Variants in TOM1L2 observed in about 807,000 individuals in gnomAD.
The protein encoded by TOM1L2 is target of myb1 like 2 membrane trafficking protein, also known as TOM1-like protein 2.
A neutral mutation model predicts 67.9 loss-of-function variants in TOM1L2; 31 were observed. The ratio of observed to expected loss-of-function variants is 0.46; its 90% CI spans 0.34 to 0.62. TOM1L2 has a LOEUF of 0.62. Ranked by LOEUF, TOM1L2 falls within the 20% of genes least tolerant of loss-of-function variation. TOM1L2 has a pLI of 0.01. For synonymous variants in TOM1L2, 256 were observed against 254.0 expected (o/e 1.01, Z -0.07); for missense variants, 606 against 663.5 (o/e 0.91, Z 0.95).
chr17:17,945,660 G>T (rs952837511), intron 1 of TOM1L2, among the ~76,000 whole-genome samples: 4 of 152,248 alleles, frequency 2.6e-5, no homozygotes, highest in South Asian at 2.1e-4. Flanking sequence ...GAGCAAAAGT[G>T]ACCTTAATAT....
In TOM1L2 at chr17:17,935,545, T is replaced by C. The variant is rs539847549; in HGVS notation, c.53-28014A>G. Among the ~76,000 whole-genome samples, 21 of 152,310 alleles carry C rather than the reference T, an allele frequency of 1.4e-4. No individual in the cohort carries two copies. In the South Asian group the frequency reaches 3.1e-3, roughly 23 times the overall value. On this transcript the variant is annotated intron_variant, in intron 1 of 14. Transcript: ENST00000379504. ...TTTCCAAGGTCCTGGTAACTGTGCC[T>C]GCTCTAGGAGGTAGCTTAGAGGACT...
At chr17:17,865,377 C>T (rs990904895) in intron 10 of TOM1L2, among the ~76,000 whole-genome samples, 1 of 152,134 alleles carries the variant, frequency 6.6e-6, no homozygotes, top group African/African-American at 2.4e-5. Context: ...CCTCCTTGAC[C>T]TAGTTAATAT....
chr17:17,861,495 C>T lies in TOM1L2; in HGVS notation c.1259G>A (p.Arg420Gln), dbSNP rs769606765. ...VGGLASALDN[R>Q]KQSSEGIPVA... is the part of the protein sequence containing the mutation. ...ACCTACCCCTTCTGAACTCTGTTTT[C>T]GATTGTCTAGTGCAGAAGCAAGTCC... Residue 420 changes from arginine (R) to glutamine (Q), a missense_variant, in exon 12 of 15, where the codon CGA becomes CAA. Physicochemically the swap from Arg to Gln is conservative, Grantham distance 43. Transcript: ENST00000379504. 8 of 1,614,028 alleles carry T rather than the reference C, an allele frequency of 5.0e-6. No individual in the cohort carries two copies. Among genetic ancestry groups the T allele is most frequent in the Non-Finnish European group, 5.9e-6 (7 of 1,179,984 alleles).
chr17:17,860,713 G>A (rs1490151723), intron 12 of TOM1L2, among the ~76,000 whole-genome samples: 3 of 152,308 alleles, frequency 2.0e-5, no homozygotes, highest in African/African-American at 4.8e-5. Flanking sequence ...GCAAACAGAC[G>A]TGCATTCATA....
intron 12 of TOM1L2, among the ~76,000 whole-genome samples, chr17:17,851,938 A>C (rs749332559): frequency 6.6e-6 from 1 of 152,176 alleles, no homozygotes; most frequent in South Asian, 2.1e-4. Flanking sequence ...AAAAGGTTTA[A>C]GTTGCCATCA....
intron 3 of TOM1L2, among the ~76,000 whole-genome samples, chr17:17,896,898 T>C (rs1021404819): frequency 1.3e-5 from 2 of 152,076 alleles, no homozygotes; most frequent in African/African-American, 4.8e-5. Flanking sequence ...AGAGAGTAAG[T>C]GAAGCCCTAT....
intron 1 of TOM1L2, among the ~76,000 whole-genome samples, chr17:17,949,482 G>A (rs1044651982): frequency 2.0e-5 from 3 of 152,200 alleles, no homozygotes; most frequent in African/African-American, 7.2e-5. Context: ...ACCCCACTCC[G>A]ATGCTACAAT....
chr17:17,918,257 T>G (rs1298270329), intron 1 of TOM1L2, among the ~76,000 whole-genome samples: 1 of 152,136 alleles, frequency 6.6e-6, no homozygotes, highest in Admixed American at 6.5e-5. Flanking sequence ...TTTCTTTTTT[T>G]TTTTGTTTTG....
intron 1 of TOM1L2, among the ~76,000 whole-genome samples, chr17:17,938,096 C>T (rs1302992848): frequency 6.6e-6 from 1 of 152,186 alleles, no homozygotes; most frequent in Non-Finnish European, 1.5e-5. Flanking sequence ...GTGTTACTCC[C>T]TCTCACCCAG....
At position 17,933,385 on chromosome 17, in the gene TOM1L2, A is replaced by G. The variant is rs1483124164; in HGVS notation, c.53-25854T>C. 2.0e-5 allele frequency among the ~76,000 whole-genome samples: 3 copies of G among 152,248 alleles called. No homozygotes were observed. The East Asian group carries it at 5.8e-4, about 29-fold the overall frequency. On this transcript the variant is annotated intron_variant, in intron 1 of 14. Transcript: ENST00000379504. The stretch of plus-strand genomic sequence containing the variant: ...CTAGCTGCAAGGGAAACTAAGTAAG[A>G]GAATATAGCTGGGCACATAGGCAAT...
At chr17:17,931,216 C>T (rs1319645287) in intron 1 of TOM1L2, among the ~76,000 whole-genome samples, 1 of 152,116 alleles carries the variant, frequency 6.6e-6, no homozygotes, top group African/African-American at 2.4e-5. Flanking sequence ...TTTTACCCAT[C>T]CTATCCTCTT....
chr17:17,869,577 G>A (rs1328781571), intron 7 of TOM1L2, 104 bp from the exon 8 acceptor site: 1 of 1,439,712 alleles, frequency 6.9e-7, no homozygotes, highest in East Asian at 2.5e-5. Context: ...CACAAAAGGA[G>A]TACATGCTTG....
chr17:17,934,189 A>G (rs2040432692), intron 1 of TOM1L2, among the ~76,000 whole-genome samples: 1 of 152,234 alleles, frequency 6.6e-6, no homozygotes, highest in Non-Finnish European at 1.5e-5. Flanking sequence ...AAAGTGCTCC[A>G]ATCCCAGCAC....
At chr17:17,908,510 GA>G (rs1343649588) in intron 1 of TOM1L2, among the ~76,000 whole-genome samples, 3 of 152,116 alleles carry the variant, frequency 2.0e-5, no homozygotes, top group Non-Finnish European at 4.4e-5. Context: ...ACCTGCAGAG[GA>G]AGAAAATATT....
chr17:17,877,951 G>A (rs2037506440), intron 7 of TOM1L2, among the ~76,000 whole-genome samples: 2 of 151,758 alleles, frequency 1.3e-5, no homozygotes, highest in African/African-American at 4.8e-5. Flanking sequence ...GTCTGCTCTG[G>A]CTGTCTGGAA....
chr17:17,931,082 C>A (rs1296005002), intron 1 of TOM1L2, among the ~76,000 whole-genome samples: 1 of 152,144 alleles, frequency 6.6e-6, no homozygotes, highest in Non-Finnish European at 1.5e-5. Context: ...CCATTTGTCC[C>A]AGTTACTTTT....
chr17:17,939,856 T>C lies in TOM1L2; in HGVS notation c.53-32325A>G, dbSNP rs188826834. ...AGTCCCCATTATGTAGGAGGCTCTG[T>C]AGTAGCCTCTACTTCCTCATCTATA... On this transcript the variant is annotated intron_variant, in intron 1 of 14. Transcript: ENST00000379504. 2.6e-5 allele frequency among the ~76,000 whole-genome samples: 4 copies of C among 152,290 alleles called. No individual in the cohort carries two copies. In the East Asian group the frequency reaches 5.8e-4, roughly 22 times the overall value.
Position 17,972,275 on chromosome 17 carries a change from C to T in TOM1L2, c.39G>A (p.Val13=). Reference sequence around the variant, plus strand: ...ACGCGGCCTTACCGAGGCACTGCCCCACTGGTGTGCTGAACGGGTTCCCCA... The same window carrying T: ...ACGCGGCCTTACCGAGGCACTGCCCTACTGGTGTGCTGAACGGGTTCCCCA... ...FLLGNPFSTP[V]GQCLEKATDG... The change falls in exon 1 of 15, where the codon GTG becomes GTA. Residue 13 remains valine (V), a synonymous_variant. Coordinates refer to ENST00000379504, the MANE Select transcript of TOM1L2 (RefSeq NM_001082968.2). 6.4e-7 allele frequency: 1 copy of T among 1,551,740 alleles called. No individual in the cohort carries two copies. The highest frequency in any genetic ancestry group is 8.7e-7 in the Non-Finnish European group (1 of 1,148,296).
At chr17:17,891,860 G>C (rs974969068) in intron 4 of TOM1L2, among the ~76,000 whole-genome samples, 2 of 151,734 alleles carry the variant, frequency 1.3e-5, no homozygotes, top group Non-Finnish European at 2.9e-5. Context: ...TGGGTGGGCA[G>C]AACAGGGACG....
Sources: gnomAD v4.1 joint callset for allele counts (sites outside exome capture counted in the v4.1 genomes callset) on GRCh38, gnomAD v4.1.1 for gene constraint, MANE v1.5 for transcripts, NCBI Gene and HGNC (gene_info 2026-07-23, HGNC 2026-07-21) for gene names.